STAB2: variants seen among roughly 807,000 people sequenced by gnomAD.
STAB2 encodes stabilin-2.
In STAB2, 288 loss-of-function variants were observed where a neutral mutation model predicts 338.1. The observed-to-expected ratio is 0.85, with a 90% CI of 0.77 to 0.94. STAB2 has a LOEUF of 0.94. Ranked by LOEUF, STAB2 falls within the 40% of genes least tolerant of loss-of-function variation. The pLI is 0.00. For missense variants in STAB2, 3,141 were observed against 3,210.1 expected (o/e 0.98, Z 0.52); for synonymous variants, 1,202 against 1,193.3 (o/e 1.01, Z -0.15).
chr12:103,653,753 TG>T (rs1873954336), intron 12 of STAB2, among the ~76,000 whole-genome samples: 1 of 148,852 alleles, frequency 6.7e-6, no homozygotes, highest in African/African-American at 2.5e-5. Flanking sequence ...GATGAATGGA[TG>T]GATGGATGGA....
chr12:103,613,293 T>C (rs955622466), intron 3 of STAB2, among the ~76,000 whole-genome samples: 6 of 152,200 alleles, frequency 3.9e-5, no homozygotes, highest in African/African-American at 1.4e-4. Context: ...AGGTGGAGTA[T>C]ACAGAGGTAG....
chr12:103,737,203 G>C (rs561356159), intron 52 of STAB2, among the ~76,000 whole-genome samples: 1 of 152,150 alleles, frequency 6.6e-6, no homozygotes, highest in Non-Finnish European at 1.5e-5. Context: ...CACTGCTGAC[G>C]TTTCTCCTTT....
chr12:103,667,103 G>A (rs1463129828), intron 19 of STAB2, among the ~76,000 whole-genome samples: 3 of 152,230 alleles, frequency 2.0e-5, no homozygotes, highest in Admixed American at 2.0e-4. Flanking sequence ...CCAATGAGAA[G>A]TGGCATTAAA....
At chr12:103,635,430 C>G (rs1957528995) in intron 6 of STAB2, among the ~76,000 whole-genome samples, 1 of 152,234 alleles carries the variant, frequency 6.6e-6, no homozygotes, top group Non-Finnish European at 1.5e-5. Flanking sequence ...AACAGCTTTT[C>G]TCTGTTTCTT....
At chr12:103,638,320 C>G in intron 8 of STAB2, 108 bp downstream of exon 8, 1 of 1,277,284 alleles carries the variant, frequency 7.8e-7, no homozygotes, top group Non-Finnish European at 1.1e-6. Context: ...TTTCAATGTT[C>G]CGCTTGGTCT....
intron 13 of STAB2, 138 bp downstream of exon 13, chr12:103,654,836 GT>G: frequency 9.0e-7 from 1 of 1,105,526 alleles, no homozygotes; most frequent in Non-Finnish European, 1.3e-6. Flanking sequence ...AGAAGAGGTG[GT>G]TTGTCTGTTT....
At position 103,618,567 on chromosome 12, in the gene STAB2, A is replaced by G. The variant is rs144540181; in HGVS notation, c.332-1901A>G. Among the ~76,000 whole-genome samples the G allele has an allele frequency of 2.2e-4, 33 of 152,318 alleles. No homozygotes were observed. The East Asian group carries it at 2.9e-3, about 13-fold the overall frequency. ...GGCAGAATGAGCTGTGGCACAGGAA[A>G]GCTTATGGCAAAGGTCTTATGTGAT... is the stretch of plus-strand genomic sequence containing the variant. On this transcript the variant is annotated intron_variant, in intron 3 of 68. Coordinates refer to ENST00000388887, the MANE Select transcript of STAB2 (RefSeq NM_017564.10).
chr12:103,683,391 T>C, intron 26 of STAB2, 91 bp downstream of exon 26: 1 of 1,174,792 alleles, frequency 8.5e-7, no homozygotes, highest in Non-Finnish European at 1.2e-6. Context: ...GGCCTAGTGA[T>C]GAACAAAATC....
In STAB2 at chr12:103,587,389, G is replaced by T. The variant is rs1204301191; in HGVS notation, c.-88G>T. 2 of 1,051,920 alleles carry T rather than the reference G, an allele frequency of 1.9e-6. No individual in the cohort carries two copies. Among genetic ancestry groups the T allele is most frequent in the Non-Finnish European group, 2.8e-6 (2 of 702,074 alleles). The allele number at this position is 1,051,920 out of a possible 1,614,324, so 65.2% of individuals were successfully genotyped here. A position where few individuals can be genotyped will look rare whatever the true frequency, so the allele number is the denominator to read the frequency against. On this transcript the variant is annotated 5_prime_UTR_variant, in exon 1 of 69. Coordinates refer to ENST00000388887, the MANE Select transcript of STAB2 (RefSeq NM_017564.10). ...TAAAAGTAAACAGTGAAATGAGAAA[G>T]AATTCACTGGGAGTTTATCAAACTA...
intron 7 of STAB2, 56 bp downstream of exon 7, chr12:103,637,292 C>A: frequency 1.9e-6 from 3 of 1,560,222 alleles, no homozygotes; most frequent in Admixed American, 2.1e-5. Flanking sequence ...GGTTATTTAA[C>A]AGGAAAAAAA....
chr12:103,661,346 A>C (rs1874603345), intron 17 of STAB2, among the ~76,000 whole-genome samples: 1 of 152,246 alleles, frequency 6.6e-6, no homozygotes, highest in South Asian at 2.1e-4. Context: ...CAATATGAAC[A>C]AACATCCAGC....
intron 9 of STAB2, among the ~76,000 whole-genome samples, chr12:103,640,591 G>A (rs980315903): frequency 2.6e-5 from 4 of 152,208 alleles, no homozygotes; most frequent in African/African-American, 9.7e-5. Flanking sequence ...GACCTCTAAT[G>A]TACATGCCTG....
chr12:103,765,259 T>TATCA (rs2139262243), intron 68 of STAB2, among the ~76,000 whole-genome samples: 1 of 152,292 alleles, frequency 6.6e-6, no homozygotes, highest in East Asian at 1.9e-4. Flanking sequence ...CTGAGGGCTC[T>TATCA]ATCAGCACCA....
intron 64 of STAB2, 96 bp from the exon 65 acceptor site, chr12:103,759,037 C>T: frequency 6.3e-7 from 1 of 1,596,312 alleles, no homozygotes; most frequent in African/African-American, 1.3e-5. Flanking sequence ...AAAGCCTAGG[C>T]CATGAGAAGC....
rs1016025118 is a variant in STAB2, at chr12:103,656,938, G to A, written c.1734+1357G>A. ...CCTGACCTCATGATCCACCCGCCTC[G>A]GCCTCCCAAAGTGCTGGGATTACAG... On this transcript the variant is annotated intron_variant, in intron 15 of 68. Transcript: ENST00000388887. 4.7e-5 allele frequency among the ~76,000 whole-genome samples: 7 copies of A among 150,406 alleles called. No individual in the cohort carries two copies. The East Asian group carries it at 7.8e-4, about 17-fold the overall frequency.
intron 63 of STAB2, 154 bp from the exon 64 acceptor site, chr12:103,758,016 C>T (rs915859476): frequency 3.9e-5 from 43 of 1,104,290 alleles, no homozygotes; most frequent in Non-Finnish European, 4.8e-5. Flanking sequence ...AACTCTCCCA[C>T]GGCGCAGGCA....
intron 9 of STAB2, among the ~76,000 whole-genome samples, chr12:103,646,467 CTA>C (rs750508826): frequency 5.5e-4 from 83 of 152,276 alleles, no homozygotes; most frequent in Non-Finnish European, 9.4e-4. Flanking sequence ...TGAGCTTTTT[CTA>C]TATGTCTGTC....
chr12:103,598,863 C>T (rs955845622), intron 3 of STAB2, among the ~76,000 whole-genome samples: 65 of 152,174 alleles, frequency 4.3e-4, no homozygotes, highest in African/African-American at 1.4e-3. Context: ...TTCCCAATCA[C>T]ATGTATGATA....
intron 15 of STAB2, among the ~76,000 whole-genome samples, chr12:103,655,913 A>G (rs1874146470): frequency 6.6e-6 from 1 of 152,220 alleles, no homozygotes; most frequent in Non-Finnish European, 1.5e-5. Context: ...CAACACTTCA[A>G]GTTCCCTACA....
Sources: gnomAD v4.1 joint callset for allele counts (sites outside exome capture counted in the v4.1 genomes callset) on GRCh38, gnomAD v4.1.1 for gene constraint, MANE v1.5 for transcripts, NCBI Gene and HGNC (gene_info 2026-07-23, HGNC 2026-07-21) for gene names.